The following SYT12 variants were observed in gnomAD, a reference collection of about 807,000 sequenced individuals.
SYT12 encodes the protein synaptotagmin 12.
In SYT12, 27 loss-of-function variants were observed where a neutral mutation model predicts 39.5. The observed-to-expected ratio is 0.68, with a 90% CI of 0.50 to 0.94. SYT12 has a LOEUF of 0.94. Among genes scored for constraint, SYT12 ranks in the 40% least tolerant of loss-of-function variants. The pLI is 0.00. For missense variants in SYT12, 536 were observed against 572.6 expected (o/e 0.94, Z 0.65); for synonymous variants, 233 against 239.7 (o/e 0.97, Z 0.26).
At position 67,043,724 on chromosome 11, in the gene SYT12, G is replaced by T. The variant is rs769924651; in HGVS notation, c.708G>T (p.Arg236=). The part of the protein sequence containing the change: ...DPTALEEKSL[R]FSVFGIDEDE... Reference sequence around the variant, plus strand: ...CAGCCCTGGAGGAGAAGAGCCTGCGGTTTTCTGTATTTGGCATCGATGAGG... The same window carrying T: ...CAGCCCTGGAGGAGAAGAGCCTGCGTTTTTCTGTATTTGGCATCGATGAGG... Residue 236 remains arginine, a synonymous_variant, in exon 5 of 8, where the codon CGG becomes CGT. Coordinates refer to ENST00000527043, the MANE Select transcript of SYT12 (RefSeq NM_177963.4). 11 of 1,614,028 alleles carry T rather than the reference G, an allele frequency of 6.8e-6. No individual in the cohort carries two copies. The African/African-American group carries it at 1.1e-4, about 16-fold the overall frequency.
chr11:67,015,286 C>T lies in SYT12; in HGVS notation c.-69+4292C>T, dbSNP rs561465201. ...AACAGGAGGGCAGGGCGGCCAAGGC[C>T]AATGCTGGGAGAGCAAGTCCCTGCC... On this transcript the variant is annotated intron_variant, in intron 3 of 10. Coordinates refer to the SYT12 transcript ENST00000393946. 2.6e-5 allele frequency among the ~76,000 whole-genome samples: 4 copies of T among 152,340 alleles called. No homozygotes were observed. The South Asian group carries it at 8.3e-4, about 32-fold the overall frequency.
upstream of SYT12, chr11:67,021,728 G>C (rs1351778250): frequency 1.3e-5 from 2 of 152,078 alleles, no homozygotes. Context: ...CGAAGAAAAT[G>C]GACTCAAATG....
rs1279272912 is a variant in SYT12 at position 67,023,200 on chromosome 11, C to CGGGCGGGCAAGCGGGCGAGCGCGA, written c.-280_-257dup. 6.6e-6 allele frequency: 1 copy of CGGGCGGGCAAGCGGGCGAGCGCGA among 151,998 alleles called. No homozygotes were observed. Among genetic ancestry groups the CGGGCGGGCAAGCGGGCGAGCGCGA allele is most frequent in the Non-Finnish European group, 1.5e-5 (1 of 67,996 alleles). 9.4% of individuals were successfully genotyped at this position (151,998 alleles called of 1,614,324 possible). ...TTGTCACTTTAAATTCAAGAGGGAGCGGGCGGGCAAGCGGGCGAGCGCGAG... is the reference window on the plus strand; with the variant it reads ...TTGTCACTTTAAATTCAAGAGGGAGCGGGCGGGCAAGCGGGCGAGCGCGAGGGCGGGCAAGCGGGCGAGCGCGAG... On this transcript the variant is annotated 5_prime_UTR_variant, in exon 1 of 8. Transcript: ENST00000527043.
At chr11:67,034,287 G>C (rs953018589) in intron 2 of SYT12, among the ~76,000 whole-genome samples, 3 of 152,064 alleles carry the variant, frequency 2.0e-5, no homozygotes, top group African/African-American at 7.2e-5. Flanking sequence ...TATGTACACA[G>C]GCTGATCATC....
chr11:67,036,796 G>A (rs182131548), intron 3 of SYT12, among the ~76,000 whole-genome samples: 26 of 152,022 alleles, frequency 1.7e-4, no homozygotes, highest in African/African-American at 6.0e-4. Flanking sequence ...AAAATTGACC[G>A]GGCACAGTGG....
At chr11:67,032,189 A>G (rs1950281863) in intron 2 of SYT12, 1 of 152,172 alleles carries the variant, frequency 6.6e-6, no homozygotes, top group Non-Finnish European at 1.5e-5. Context: ...TCTCTTAACA[A>G]TGCCAGAAAT....
chr11:67,019,395 C>T (rs1039967396), upstream of SYT12, among the ~76,000 whole-genome samples: 5 of 151,940 alleles, frequency 3.3e-5, no homozygotes, highest in African/African-American at 1.2e-4. Flanking sequence ...TCGCTTGAAC[C>T]TGGGAGGCGG....
At chr11:67,040,994 C>G (rs186459561) in intron 4 of SYT12, among the ~76,000 whole-genome samples, 16 of 151,724 alleles carry the variant, frequency 1.1e-4, no homozygotes, top group African/African-American at 3.1e-4. Context: ...TCCTTCTCTA[C>G]CAAAAAAAAT....
intron 3 of SYT12, among the ~76,000 whole-genome samples, chr11:67,035,711 C>A (rs971348757): frequency 5.3e-5 from 8 of 151,928 alleles, no homozygotes; most frequent in Non-Finnish European, 8.8e-5. Flanking sequence ...CCCGCCTTGG[C>A]CTCCCAAAGT....
intron 1 of SYT12, among the ~76,000 whole-genome samples, chr11:67,026,336 G>A (rs1215942521): frequency 6.6e-6 from 1 of 151,896 alleles, no homozygotes; most frequent in South Asian, 2.1e-4. Context: ...GCAGTGGTGC[G>A]ATCTTGGCTC....
At chr11:67,045,671 G>T in intron 6 of SYT12, 73 bp from the exon 7 acceptor site, 1 of 1,576,704 alleles carries the variant, frequency 6.3e-7, no homozygotes, top group Non-Finnish European at 8.6e-7. Context: ...TGGAGTCGGT[G>T]GGTGGAGCCA....
In SYT12 at chr11:67,023,954, T is replaced by G. The variant is rs984264067; in HGVS notation, c.-24+494T>G. On this transcript the variant is annotated intron_variant, in intron 1 of 7. Transcript: ENST00000527043. ...CCCTGGCCGTGTGAAGAGCCAGATATGACCCTCAGCCGCCGGTGGCACCAG... is the reference window on the plus strand; with the variant it reads ...CCCTGGCCGTGTGAAGAGCCAGATAGGACCCTCAGCCGCCGGTGGCACCAG... Among the ~76,000 whole-genome samples the G allele has an allele frequency of 2.0e-5, 3 of 152,180 alleles. No homozygotes were observed. The South Asian group carries it at 6.2e-4, about 32-fold the overall frequency.
In SYT12 at chr11:67,043,768, C is replaced by T. The variant is rs754490352; in HGVS notation, c.752C>T (p.Thr251Met). The change falls in exon 5 of 8, where the codon ACG (threonine) becomes ATG (methionine). Residue 251 changes from threonine (T) to methionine (M), a missense_variant. Coordinates refer to ENST00000527043, the MANE Select transcript of SYT12 (RefSeq NM_177963.4). ...GIDEDERNVS[T>M]GVVELKLSVL... is the part of the protein sequence containing the mutation. Reference sequence around the variant, plus strand: ...GATGAGGATGAGCGCAACGTCAGCACGGGGGTGGTGGAGCTGAAGCTTTCT... The same window carrying T: ...GATGAGGATGAGCGCAACGTCAGCATGGGGGTGGTGGAGCTGAAGCTTTCT... 1.2e-5 allele frequency: 20 copies of T among 1,613,990 alleles called. No homozygotes were observed. The highest frequency in any genetic ancestry group is 5.3e-5 in the African/African-American group (4 of 74,928).
chr11:67,044,849 C>G (rs1053384316), intron 6 of SYT12, 136 bp downstream of exon 6: 239 of 1,324,616 alleles, frequency 1.8e-4, no homozygotes, highest in Non-Finnish European at 2.4e-4. Context: ...TTGCTGAGCC[C>G]AGAAGTCATG....
In SYT12 at chr11:67,034,506, T is replaced by C; in HGVS notation, c.35-139T>C. The C allele has an allele frequency of 5.8e-6, 4 of 695,624 alleles. No homozygotes were observed. In the South Asian group the frequency reaches 7.1e-5, roughly 12 times the overall value. 43.1% of individuals were successfully genotyped at this position (695,624 alleles called of 1,614,324 possible). ...GCAACACAGGAAAGTGTATGTCTTGTTCGACATGGGATCTCCAGCACCTAG... is the reference window on the plus strand; with the variant it reads ...GCAACACAGGAAAGTGTATGTCTTGCTCGACATGGGATCTCCAGCACCTAG... On this transcript the variant is annotated intron_variant, in intron 2 of 7. Coordinates refer to ENST00000527043, the MANE Select transcript of SYT12 (RefSeq NM_177963.4).
chr11:67,013,658 C>T (rs1035835672), intron 3 of SYT12, among the ~76,000 whole-genome samples: 1 of 152,210 alleles, frequency 6.6e-6, no homozygotes, highest in Non-Finnish European at 1.5e-5. Flanking sequence ...TGTGTCTTCT[C>T]AGGAGGTTAC....
rs778900377 is a variant in SYT12, at chr11:67,039,804, C to A, written c.229-7C>A. 1.9e-6 allele frequency: 3 copies of A among 1,606,388 alleles called. No homozygotes were observed. The highest frequency in any genetic ancestry group is 1.7e-6 in the Non-Finnish European group (2 of 1,178,264). Reference sequence around the variant, plus strand: ...GATGCTCCCACGTCCCTCTTTCTCACCCCTAGAGAGTGCCTGCCTGGAATG... The same window carrying A: ...GATGCTCCCACGTCCCTCTTTCTCAACCCTAGAGAGTGCCTGCCTGGAATG... On this transcript the variant is annotated splice_region_variant and splice_polypyrimidine_tract_variant and intron_variant, in intron 3 of 7. Transcript: ENST00000527043.
chr11:67,035,693 G>A (rs1372578969), intron 3 of SYT12, among the ~76,000 whole-genome samples: 12 of 151,410 alleles, frequency 7.9e-5, no homozygotes, highest in Non-Finnish European at 1.2e-4. Context: ...TCCTGACCTC[G>A]TGATCCGCCC....
At chr11:67,010,924 C>T (rs1385528796) in exon 3 of SYT12, 1 of 152,178 alleles carries the variant, frequency 6.6e-6, no homozygotes, top group Non-Finnish European at 1.5e-5. Flanking sequence ...CTTCTTTCTC[C>T]TAAAGGCCTC....
Sources: gnomAD v4.1 joint callset for allele counts (sites outside exome capture counted in the v4.1 genomes callset) on GRCh38, gnomAD v4.1.1 for gene constraint, MANE v1.5 for transcripts, NCBI Gene and HGNC (gene_info 2026-07-23, HGNC 2026-07-21) for gene names.